Variants in ZNF75A observed in about 807,000 individuals in gnomAD.
The protein encoded by ZNF75A is zinc finger protein 75A.
ZNF75A carries 36 observed loss-of-function variants against 46.3 expected under a neutral mutation model. The ratio of observed to expected loss-of-function variants is 0.78; its 90% CI spans 0.60 to 1.03. The LOEUF (loss-of-function observed/expected upper bound fraction) is 1.03, where lower values mean the gene tolerates loss of function less well. ZNF75A is among the 50% of genes least tolerant of loss of function. ZNF75A has a pLI of 0.00. For missense variants in ZNF75A, 595 were observed against 551.3 expected (o/e 1.08, Z -0.79); for synonymous variants, 234 against 189.9 (o/e 1.23, Z -1.91).
chr16:3,312,963 T>A, intron 4 of ZNF75A, 86 bp from the exon 5 acceptor site: 1 of 1,473,442 alleles, frequency 6.8e-7, no homozygotes, highest in African/African-American at 1.4e-5. Flanking sequence ...TTTAATTCCT[T>A]TATCGCCTGG....
rs952672037 is a variant in ZNF75A, at chr16:3,312,867, C to T, written c.696+99C>T. ...CAGAGGTGTGTTAGTCCCGGGTGTT[C>T]TCTGGGCAACTGGGTACCTCCCAGG... On this transcript the variant is annotated intron_variant, in intron 4 of 6. Transcript: ENST00000669516. 16 of 1,156,798 alleles carry T rather than the reference C, an allele frequency of 1.4e-5. No homozygotes were observed. In the East Asian group the frequency reaches 2.4e-4, roughly 18 times the overall value. The allele number at this position is 1,156,798 out of a possible 1,614,324, so 71.7% of individuals were successfully genotyped here.
At chr16:3,313,405 C>T (rs747863353) in intron 5 of ZNF75A, among the ~76,000 whole-genome samples, 3 of 152,216 alleles carry the variant, frequency 2.0e-5, no homozygotes, top group Admixed American at 6.5e-5. Context: ...CTCTTTTCCA[C>T]CAAACTTCCT....
chr16:3,315,169 G>A, intron 5 of ZNF75A: 1 of 727,898 alleles, frequency 1.4e-6, no homozygotes, highest in East Asian at 1.3e-4. Context: ...GTTGCTCAGG[G>A]CAAACAAAGT....
At position 3,317,531 on chromosome 16, in the gene ZNF75A, G is replaced by A; in HGVS notation, c.1276G>A (p.Glu426Lys). Residue 426 changes from glutamate to lysine, a missense_variant, in exon 7 of 7, where the codon GAA (glutamate) becomes AAA (lysine). Transcript: ENST00000669516. ...DLIKHQRIHT[E>K]EKPYKCQQCD... ...TATTAAGCACCAAAGAATTCACACTGAAGAGAAACCCTATAAATGTCAACA... is the reference window on the plus strand; with the variant it reads ...TATTAAGCACCAAAGAATTCACACTAAAGAGAAACCCTATAAATGTCAACA... 1 of 1,614,048 alleles carries A rather than the reference G, an allele frequency of 6.2e-7. No homozygotes were observed. The highest frequency in any genetic ancestry group is 2.2e-5 in the East Asian group (1 of 44,880).
chr16:3,314,701 T>C, intron 5 of ZNF75A: 2 of 985,470 alleles, frequency 2.0e-6, no homozygotes, highest in South Asian at 9.4e-5. Context: ...GTTAGGCTGC[T>C]TCTGCAGTGG....
intron 1 of ZNF75A, 44 bp from the exon 2 acceptor site, chr16:3,308,269 G>T: frequency 3.5e-6 from 1 of 288,676 alleles, no homozygotes; most frequent in Non-Finnish European, 5.2e-6. Context: ...TGAGGTTCAT[G>T]TGAGTTTCTT....
Position 3,317,768 on chromosome 16 carries a change from C to A in ZNF75A, c.1513C>A (p.Arg505=). ...FSQNSHLIKH[R]RTHTGEQPYT... ...TCAGAACTCCCACCTTATTAAACAC[C>A]GGAGAACCCACACAGGTGAGCAGCC... Residue 505 remains arginine, a synonymous_variant, in exon 7 of 7, where the codon CGG becomes AGG. Coordinates refer to ENST00000669516, the MANE Select transcript of ZNF75A (RefSeq NM_001302109.2). 2 of 1,614,116 alleles carry A rather than the reference C, an allele frequency of 1.2e-6. No individual in the cohort carries two copies. The highest frequency in any genetic ancestry group is 4.5e-5 in the East Asian group (2 of 44,882).
At chr16:3,307,248 G>T (rs149175569) in intron 1 of ZNF75A, 1 of 152,144 alleles carries the variant, frequency 6.6e-6, no homozygotes, top group Non-Finnish European at 1.5e-5. Flanking sequence ...ACGGCGCACC[G>T]CCAGTTTTAA....
At chr16:3,322,101 T>C (rs2150838039), downstream of ZNF75A, among the ~76,000 whole-genome samples, 1 of 152,248 alleles carries the variant, frequency 6.6e-6, no homozygotes, top group East Asian at 1.9e-4. Context: ...AGTGCATAAA[T>C]ACTTGCTGAA....
At chr16:3,315,046 G>A (rs906238133) in intron 5 of ZNF75A, 2 of 985,126 alleles carry the variant, frequency 2.0e-6, no homozygotes, top group African/African-American at 1.7e-5. Flanking sequence ...TTTTCCAGAT[G>A]TACGTGCTCA....
At chr16:3,320,335 C>T (rs1260171017), downstream of ZNF75A, among the ~76,000 whole-genome samples, 3 of 152,222 alleles carry the variant, frequency 2.0e-5, no homozygotes, top group Admixed American at 6.5e-5. Context: ...TGAGCCACCG[C>T]ACCTGGCCAA....
intron 5 of ZNF75A, chr16:3,315,231 G>A (rs564334521): frequency 3.6e-5 from 12 of 329,816 alleles, no homozygotes; most frequent in African/African-American, 1.0e-4. Flanking sequence ...TCGCTCTGTC[G>A]CCCAGGCTGG....
Position 3,318,718 on chromosome 16 carries a change from G to T in ZNF75A, c.*849G>T. On this transcript the variant is annotated 3_prime_UTR_variant, in exon 7 of 7. Transcript: ENST00000669516. ...TTAATTGGCTTTTCTTTGTTGTTAA[G>T]AATGAGAGACTTAATTTCCATGGGA... is the stretch of plus-strand genomic sequence containing the variant. The T allele has an allele frequency of 3.0e-6, 3 of 985,396 alleles. No individual in the cohort carries two copies. The highest frequency in any genetic ancestry group is 3.6e-6 in the Non-Finnish European group (3 of 829,938). 61.0% of individuals were successfully genotyped at this position (985,396 alleles called of 1,614,324 possible).
Position 3,312,672 on chromosome 16 carries a change from C to G in ZNF75A, c.605-5C>G. ...AGATTTCTTCTGGCTCTTTTCCCCC[C>G]ACAGCTGTGCCTACTCAACAGATTC... On this transcript the variant is annotated splice_region_variant and splice_polypyrimidine_tract_variant and intron_variant, in intron 3 of 6. Coordinates refer to ENST00000669516, the MANE Select transcript of ZNF75A (RefSeq NM_001302109.2). The G allele has an allele frequency of 2.0e-6, 2 of 1,001,670 alleles. No homozygotes were observed. The highest frequency in any genetic ancestry group is 2.4e-6 in the Non-Finnish European group (2 of 838,538). The allele number at this position is 1,001,670 out of a possible 1,614,324, so 62.0% of individuals were successfully genotyped here.
downstream of ZNF75A, chr16:3,323,411 A>C (rs1452639714): frequency 1.3e-6 from 1 of 784,888 alleles, no homozygotes; most frequent in East Asian, 2.4e-5. Context: ...CTCCTCAATC[A>C]CTGTGTTGTC....
chr16:3,307,806 A>G (rs913006514), intron 1 of ZNF75A: 1 of 152,028 alleles, frequency 6.6e-6, no homozygotes, highest in Non-Finnish European at 1.5e-5. Flanking sequence ...CTGGGAATGC[A>G]GGCATGAGCC....
intron 2 of ZNF75A, chr16:3,310,621 C>A: frequency 2.1e-6 from 2 of 950,466 alleles, no homozygotes; most frequent in Non-Finnish European, 2.5e-6. Flanking sequence ...GTGAGACCCC[C>A]GTCTCAAAAC....
rs184971408 is a variant in ZNF75A at position 3,315,287 on chromosome 16, G to A, written c.824-1625G>A. 1.9e-4 allele frequency among the ~76,000 whole-genome samples: 29 copies of A among 151,544 alleles called. No homozygotes were observed. In the East Asian group the frequency reaches 5.6e-3, roughly 29 times the overall value. On this transcript the variant is annotated intron_variant, in intron 5 of 6. Coordinates refer to ENST00000669516, the MANE Select transcript of ZNF75A (RefSeq NM_001302109.2). The stretch of plus-strand genomic sequence containing the variant: ...GCTCAGTGCAAGCTCTGCCTCCCGG[G>A]TTCATGCCATTCTCCTGCGTCAGCC...
downstream of ZNF75A, chr16:3,323,413 T>C: frequency 2.6e-6 from 2 of 777,444 alleles, no homozygotes; most frequent in Non-Finnish European, 4.6e-6. Context: ...CCTCAATCAC[T>C]GTGTTGTCTG....
Sources: allele counts gnomAD v4.1 joint callset (sites outside exome capture counted in the v4.1 genomes callset), GRCh38; gene constraint gnomAD v4.1.1; transcripts MANE v1.5; gene names NCBI Gene and HGNC (gene_info 2026-07-23, HGNC 2026-07-21).